PDXDC1: variants seen among roughly 807,000 people sequenced by gnomAD.
PDXDC1 encodes pyridoxal dependent decarboxylase domain containing 1, also known as pyridoxal-dependent decarboxylase domain-containing protein 1.
In PDXDC1, 42 loss-of-function variants were observed where a neutral mutation model predicts 100.1. The ratio of observed to expected loss-of-function variants is 0.42; its 90% CI spans 0.33 to 0.54. PDXDC1 has a LOEUF of 0.54. Ranked by LOEUF, PDXDC1 falls within the 20% of genes least tolerant of loss-of-function variation. The pLI is 0.10. For missense variants in PDXDC1, 636 were observed against 979.2 expected, an observed-to-expected ratio of 0.65 and a Z score of 4.68; for synonymous variants, 260 against 371.7, an observed-to-expected ratio of 0.70 and a Z score of 3.46.
intron 16 of PDXDC1, among the ~76,000 whole-genome samples, chr16:15,101,328 G>T (rs2046540436): frequency 6.6e-6 from 1 of 152,098 alleles, no homozygotes; most frequent in African/African-American, 2.4e-5. Flanking sequence ...TTGTTTGTTT[G>T]TTTTTTGAGA....
At chr16:15,137,982 C>T in intron 16 of PDXDC1, 4 of 653,620 alleles carry the variant, frequency 6.1e-6, no homozygotes, top group South Asian at 4.9e-5. Context: ...TATGCCAGCC[C>T]CCCACTGGCA....
rs765205845 is a variant in PDXDC1 at position 15,063,246 on chromosome 16, C to T, written c.1399+33190C>T. The T allele has an allele frequency of 5.0e-6, 8 of 1,613,612 alleles. No homozygotes were observed. In the South Asian group the frequency reaches 5.5e-5, roughly 11 times the overall value. On this transcript the variant is annotated intron_variant, in intron 16 of 16. Transcript: ENST00000535621. ...TGTAGCTCTTCAGCACTCATGTCTT[C>T]CCACACCTGATAAATAGGATCAATG...
At chr16:15,042,693 G>GTA (rs909434418), downstream of PDXDC1, among the ~76,000 whole-genome samples, 9 of 150,880 alleles carry the variant, frequency 6.0e-5, no homozygotes, top group Admixed American at 5.3e-4. Context: ...TTTCCACAAG[G>GTA]GGAATTACTG....
intron 16 of PDXDC1, chr16:15,094,424 G>A (rs2046276037): frequency 8.1e-6 from 5 of 617,002 alleles, no homozygotes; most frequent in Non-Finnish European, 1.4e-5. Flanking sequence ...TGGAGGACTT[G>A]TTCCAGCCAG....
chr16:15,065,952 G>C (rs1477716255), intron 16 of PDXDC1, among the ~76,000 whole-genome samples: 1 of 152,244 alleles, frequency 6.6e-6, no homozygotes, highest in Admixed American at 6.5e-5. Flanking sequence ...ATGCATAGAA[G>C]AAAACATAAA....
chr16:15,031,552 G>A (rs543819546), intron 16 of PDXDC1, among the ~76,000 whole-genome samples, 183 bp from the exon 17 acceptor site: 6 of 152,316 alleles, frequency 3.9e-5, no homozygotes, highest in African/African-American at 1.2e-4. Context: ...AGCCAGCTGT[G>A]TCTGTTTCTA....
At chr16:15,128,991 T>C (rs2151910831) in intron 16 of PDXDC1, among the ~76,000 whole-genome samples, 1 of 150,390 alleles carries the variant, frequency 6.6e-6, no homozygotes, top group East Asian at 2.0e-4. Flanking sequence ...TATTTTTTAG[T>C]AGAGACAGGG....
At chr16:15,150,482 T>C in the PDXDC1 span, among the ~76,000 whole-genome samples, 1 of 150,992 alleles carries the variant, frequency 6.6e-6, no homozygotes, top group Non-Finnish European at 1.5e-5. Context: ...CTGACCAACA[T>C]GGTGAAACCC....
chr16:15,018,249 A>G (rs1306755132), intron 11 of PDXDC1, among the ~76,000 whole-genome samples: 3 of 152,226 alleles, frequency 2.0e-5, no homozygotes, highest in Non-Finnish European at 4.4e-5. Flanking sequence ...AGAAAAAACA[A>G]CAACAAAGAA....
intron 16 of PDXDC1, among the ~76,000 whole-genome samples, chr16:15,064,888 C>T (rs1217043073): frequency 3.3e-5 from 5 of 152,170 alleles, no homozygotes; most frequent in Non-Finnish European, 7.3e-5. Context: ...ACCTCCTGGC[C>T]GGGCGCGGTG....
the PDXDC1 span, among the ~76,000 whole-genome samples, chr16:15,147,604 G>A: frequency 2.0e-5 from 3 of 152,146 alleles, no homozygotes; most frequent in Non-Finnish European, 2.9e-5. Context: ...TTGCCTCACT[G>A]CAACCTCTGC....
intron 16 of PDXDC1, chr16:15,132,599 G>A: frequency 1.3e-6 from 1 of 790,114 alleles, no homozygotes; most frequent in South Asian, 1.5e-5. Flanking sequence ...GGAACGCCAT[G>A]GCATGAAGGA....
At chr16:15,018,598 T>G (rs1207071865) in intron 11 of PDXDC1, among the ~76,000 whole-genome samples, 1 of 152,250 alleles carries the variant, frequency 6.6e-6, no homozygotes, top group Non-Finnish European at 1.5e-5. Flanking sequence ...ATCTGGGTTT[T>G]CCACTGGCTT....
intron 16 of PDXDC1, chr16:15,106,302 C>T (rs1168318647): frequency 9.8e-6 from 11 of 1,127,260 alleles, no homozygotes; most frequent in Admixed American, 6.9e-5. Flanking sequence ...GCAACGCTTG[C>T]GCACGTTGAA....
chr16:15,023,690 G>C (rs1198704195), intron 13 of PDXDC1, among the ~76,000 whole-genome samples: 8 of 152,270 alleles, frequency 5.3e-5, no homozygotes, highest in Non-Finnish European at 1.0e-4. Flanking sequence ...TGGTTGAAGG[G>C]GGTGTGGCTA....
At chr16:15,054,018 C>CT in intron 16 of PDXDC1, among the ~76,000 whole-genome samples, 1 of 152,350 alleles carries the variant, frequency 6.6e-6, no homozygotes, top group South Asian at 2.1e-4. Flanking sequence ...ATTTGGTCAT[C>CT]TGGGTACAAT....
Position 15,003,462 on chromosome 16 carries a change from C to T in PDXDC1, c.243-725C>T, listed in dbSNP as rs371716978. On this transcript the variant is annotated intron_variant, in intron 4 of 22. Transcript: ENST00000396410. Reference sequence around the variant, plus strand: ...CAATCTCCTGACCTCGTGATCCGCCCGCCTTGGCCTCCCAAAGTGCTGGGA... The same window carrying T: ...CAATCTCCTGACCTCGTGATCCGCCTGCCTTGGCCTCCCAAAGTGCTGGGA... Among the ~76,000 whole-genome samples the T allele has an allele frequency of 1.1e-4, 17 of 152,266 alleles. No individual in the cohort carries two copies. In the East Asian group the frequency reaches 1.8e-3, roughly 16 times the overall value.
intron 1 of PDXDC1, among the ~76,000 whole-genome samples, chr16:14,993,460 A>G (rs1971305174): frequency 6.6e-6 from 1 of 152,274 alleles, no homozygotes; most frequent in Non-Finnish European, 1.5e-5. Context: ...TGTCCCTACA[A>G]AGGACATGAA....
Position 15,131,529 on chromosome 16 carries a change from C to T in PDXDC1, c.1400-7350C>T, listed in dbSNP as rs1345738903. On this transcript the variant is annotated intron_variant, in intron 16 of 16. Transcript: ENST00000535621. ...CCGAGCGCTTGCCCTGGGCCACGATCTCCTCGCCCGCCAGTGTCAGGGGCT... is the reference window on the plus strand; with the variant it reads ...CCGAGCGCTTGCCCTGGGCCACGATTTCCTCGCCCGCCAGTGTCAGGGGCT... The T allele has an allele frequency of 1.9e-6, 3 of 1,609,160 alleles. No individual in the cohort carries two copies. In the African/African-American group the frequency reaches 4.0e-5, roughly 22 times the overall value.
Sources: gnomAD v4.1 joint callset for allele counts (sites outside exome capture counted in the v4.1 genomes callset) on GRCh38, gnomAD v4.1.1 for gene constraint, MANE v1.5 for transcripts, NCBI Gene and HGNC (gene_info 2026-07-23, HGNC 2026-07-21) for gene names.